Variants in TOPBP1 observed in about 807,000 individuals in gnomAD.
TOPBP1 encodes DNA topoisomerase 2-binding protein 1.
TOPBP1 carries 28 observed loss-of-function variants against 167.7 expected under a neutral mutation model. The observed-to-expected ratio is 0.17, with a 90% CI of 0.12 to 0.23. TOPBP1 has a LOEUF of 0.23. TOPBP1 is among the 10% of genes least tolerant of loss of function. The pLI is 1.00. For missense variants in TOPBP1, 1,554 were observed against 1,809.6 expected, an observed-to-expected ratio of 0.86 and a Z score of 2.56; for synonymous variants, 598 against 611.4, an observed-to-expected ratio of 0.98 and a Z score of 0.32.
At chr3:133,661,257 G>T in intron 1 of TOPBP1, 123 bp from the exon 2 acceptor site, 1 of 668,244 alleles carries the variant, frequency 1.5e-6, no homozygotes, top group Non-Finnish European at 2.4e-6. Flanking sequence ...GGCTCTGCCC[G>T]TGAATTCGTC....
Position 133,608,805 on chromosome 3 carries a change from C to T in TOPBP1, c.4263+68G>A, listed in dbSNP as rs1316860026. 2.6e-6 allele frequency: 4 copies of T among 1,563,794 alleles called. No homozygotes were observed. In the African/African-American group the frequency reaches 4.1e-5, roughly 16 times the overall value. On this transcript the variant is annotated intron_variant, in intron 26 of 27. Transcript: ENST00000260810. ...TTCAAAAAGTAGAGAAAATGAAGAA[C>T]TCATCATAGCAATCTTGGTTAGATG... is the stretch of plus-strand genomic sequence containing the variant.
intron 17 of TOPBP1, 21 bp downstream of exon 17, chr3:133,624,031 G>T: frequency 1.2e-6 from 2 of 1,603,778 alleles, no homozygotes; most frequent in Non-Finnish European, 1.7e-6. Context: ...CAGAGATGGG[G>T]GGGAAAAAAG....
At chr3:133,657,254 A>C (rs754355165) in intron 4 of TOPBP1, among the ~76,000 whole-genome samples, 22 of 151,698 alleles carry the variant, frequency 1.5e-4, no homozygotes, top group Non-Finnish European at 2.9e-4. Flanking sequence ...TGAGGCATGA[A>C]GATTACTTGA....
chr3:133,649,252 G>C (rs759300674), intron 10 of TOPBP1, 131 bp downstream of exon 10: 2 of 1,295,520 alleles, frequency 1.5e-6, no homozygotes, highest in Admixed American at 2.9e-5. Context: ...AAAGTTATGA[G>C]GAAAATTTTA....
At chr3:133,657,018 T>C (rs1386867877) in intron 4 of TOPBP1, among the ~76,000 whole-genome samples, 161 bp from the exon 5 acceptor site, 1 of 152,142 alleles carries the variant, frequency 6.6e-6, no homozygotes, top group African/African-American at 2.4e-5. Flanking sequence ...TTTTGGGAGA[T>C]AAGTATGAAT....
At chr3:133,637,619 GGC>G (rs1451276509) in intron 14 of TOPBP1, among the ~76,000 whole-genome samples, 1 of 152,124 alleles carries the variant, frequency 6.6e-6, no homozygotes, top group Non-Finnish European at 1.5e-5. Flanking sequence ...TTAAATGATT[GGC>G]CTAGTCATAC....
At chr3:133,631,811 T>C (rs536750973) in intron 14 of TOPBP1, among the ~76,000 whole-genome samples, 2 of 152,196 alleles carry the variant, frequency 1.3e-5, no homozygotes, top group Admixed American at 1.3e-4. Context: ...CTCATTTTTA[T>C]ATTTTTAGTA....
At chr3:133,628,123 G>A (rs1194762045) in intron 16 of TOPBP1, 2 of 448,204 alleles carry the variant, frequency 4.5e-6, no homozygotes, top group East Asian at 8.2e-5. Flanking sequence ...CATAAAATAG[G>A]CTCTCCAATA....
chr3:133,622,904 T>C (rs1355296174), intron 19 of TOPBP1, among the ~76,000 whole-genome samples, 187 bp downstream of exon 19: 2 of 152,134 alleles, frequency 1.3e-5, no homozygotes, highest in Non-Finnish European at 2.9e-5. Flanking sequence ...CTCTAATATA[T>C]GCTTTGCTTG....
At chr3:133,604,735 T>C (rs976603214) in intron 27 of TOPBP1, among the ~76,000 whole-genome samples, 3 of 151,618 alleles carry the variant, frequency 2.0e-5, no homozygotes, top group African/African-American at 7.3e-5. Flanking sequence ...CTGGACAACA[T>C]GGTTAAAACC....
Position 133,608,922 on chromosome 3 carries a change from T to C in TOPBP1, c.4214A>G (p.Gln1405Arg). 1 of 1,613,472 alleles carries C rather than the reference T, an allele frequency of 6.2e-7. No homozygotes were observed. Among genetic ancestry groups the C allele is most frequent in the African/African-American group, 1.3e-5 (1 of 75,034 alleles). ...GCGTTTGAAGCCTGCTTCTCGAGACTGATCCACATGTAAAATAACCTTCCA... is the reference window on the plus strand; with the variant it reads ...GCGTTTGAAGCCTGCTTCTCGAGACCGATCCACATGTAAAATAACCTTCCA... ...SGWKVILHVDQSREAGFKRLL... is the reference protein window; with the variant it reads ...SGWKVILHVDRSREAGFKRLL... The change falls in exon 26 of 28, where the codon CAG becomes CGG. Residue 1405 changes from glutamine to arginine, a missense_variant. Coordinates refer to ENST00000260810, the MANE Select transcript of TOPBP1 (RefSeq NM_007027.4).
In TOPBP1 at chr3:133,623,314, A is replaced by C. The variant is rs1468066216; in HGVS notation, c.3072T>G (p.Asp1024Glu). 1 of 1,613,656 alleles carries C rather than the reference A, an allele frequency of 6.2e-7. No homozygotes were observed. Among genetic ancestry groups the C allele is most frequent in the Non-Finnish European group, 8.5e-7 (1 of 1,179,746 alleles). Reference sequence around the variant, plus strand: ...ATGTATCATCCATATCTCCTACCTCATCATCCTTTGTTGAAGACACAGCTG... The same window carrying C: ...ATGTATCATCCATATCTCCTACCTCCTCATCCTTTGTTGAAGACACAGCTG... ...LLSAVSSTKD[D>E]EPDPLILEEN... The change falls in exon 18 of 28, where the codon GAT (aspartate) becomes GAG (glutamate). Residue 1024 changes from aspartate (D) to glutamate (E), a missense_variant. This residue lies in a region of TOPBP1 where 1,197 missense variants were observed against 1,351.5 expected (regional missense o/e 0.89). Transcript: ENST00000260810.
rs113275323 is a variant in TOPBP1, at chr3:133,611,704, A to C, written c.4036-563T>G. On this transcript the variant is annotated intron_variant, in intron 24 of 27. Transcript: ENST00000260810. ...AAAAGCTGGTATACTCTAACTGGCC[A>C]TATTTGGTTATTTCAATTTTATGAG... 5.9e-5 allele frequency among the ~76,000 whole-genome samples: 9 copies of C among 152,312 alleles called. 1 individual carries two copies. The highest frequency in any genetic ancestry group is 2.2e-4 in the African/African-American group (9 of 41,582).
chr3:133,612,038 C>T (rs1297358230), intron 24 of TOPBP1, among the ~76,000 whole-genome samples: 1 of 151,218 alleles, frequency 6.6e-6, no homozygotes, highest in Non-Finnish European at 1.5e-5. Context: ...TGCCAGCCAA[C>T]ACTTACTTTT....
chr3:133,621,998 A>AAAGGGAAAGGAAGGGAAGAGGG (rs1935103145), intron 19 of TOPBP1, among the ~76,000 whole-genome samples: 2 of 151,614 alleles, frequency 1.3e-5, no homozygotes, highest in Non-Finnish European at 2.9e-5. Context: ...AGAAAGAAGG[A>AAAGGGAAAGGAAGGGAAGAGGG]AAGGGAAAGG....
chr3:133,612,502 CAAT>C lies in TOPBP1; in HGVS notation c.3919_3921del (p.Ile1307del). On this transcript the variant is annotated inframe_deletion, in exon 24 of 28. Transcript: ENST00000260810. ...TCGTTTCGAAGTGGATGTCCCACAA[CAAT>C]GTGTGTACAGGTGGGATCAAAGCAC... 6.2e-7 allele frequency: 1 copy of C among 1,613,944 alleles called. No individual in the cohort carries two copies. Among genetic ancestry groups the C allele is most frequent in the South Asian group, 1.1e-5 (1 of 91,078 alleles).
chr3:133,623,175 C>T lies in TOPBP1; in HGVS notation c.3094G>A (p.Glu1032Lys), dbSNP rs777672010. 1 of 1,612,028 alleles carries T rather than the reference C, an allele frequency of 6.2e-7. No individual in the cohort carries two copies. The highest frequency in any genetic ancestry group is 1.1e-5 in the South Asian group (1 of 90,738). The change falls in exon 19 of 28, where the codon GAA becomes AAA. Residue 1032 changes from glutamate (E) to lysine (K), a missense_variant. Around this residue, in one of 3 missense-constraint regions of TOPBP1, gnomAD observed 1,197 missense variants for 1,351.5 expected, o/e 0.89. Coordinates refer to ENST00000260810, the MANE Select transcript of TOPBP1 (RefSeq NM_007027.4). ...GCCATATTGTCTACATCATTTTCTTCTAAAATCAAAGGATCTGGCTATTGA... is the reference window on the plus strand; with the variant it reads ...GCCATATTGTCTACATCATTTTCTTTTAAAATCAAAGGATCTGGCTATTGA... ...KDDEPDPLIL[E>K]ENDVDNMATN...
intron 14 of TOPBP1, among the ~76,000 whole-genome samples, chr3:133,629,340 A>T (rs1935383506): frequency 6.6e-6 from 1 of 152,218 alleles, no homozygotes; most frequent in Non-Finnish European, 1.5e-5. Context: ...GCTTTCGGTT[A>T]ACAGTCTTTT....
chr3:133,631,013 G>A (rs141579998), intron 14 of TOPBP1, among the ~76,000 whole-genome samples: 21 of 152,244 alleles, frequency 1.4e-4, no homozygotes, highest in African/African-American at 5.1e-4. Context: ...GCAACATGGT[G>A]AGACTCTACC....
Sources: allele counts gnomAD v4.1 joint callset (sites outside exome capture counted in the v4.1 genomes callset), GRCh38; gene constraint gnomAD v4.1.1; regional missense constraint gnomAD v4.1.1; transcripts MANE v1.5; gene names NCBI Gene and HGNC (gene_info 2026-07-23, HGNC 2026-07-21).